The following SVEP1 variants were observed in gnomAD, a reference collection of about 807,000 sequenced individuals.
SVEP1 encodes sushi, von Willebrand factor type A, EGF and pentraxin domain containing 1.
Under a neutral mutation model 367.3 loss-of-function variants are expected in SVEP1, and 164 were observed. The observed-to-expected ratio is 0.45, with a 90% CI of 0.39 to 0.51. SVEP1 has a LOEUF of 0.51. Among genes scored for constraint, SVEP1 ranks in the 20% least tolerant of loss-of-function variants. SVEP1 has a pLI of 0.00. For synonymous variants in SVEP1, 1,666 were observed against 1,611.6 expected (o/e 1.03, Z -0.81); for missense variants, 4,117 against 4,425.3 (o/e 0.93, Z 1.98).
At position 110,579,433 on chromosome 9, in the gene SVEP1, C is replaced by T; in HGVS notation, c.111G>A (p.Glu37=). ...SRNFSFRLFP[E]TAPGAPGSIP... ...TACTCCCGGGGGCCCCGGGCGCGGT[C>T]TCGGGGAAGAGGCGGAAGCTGAAAT... Residue 37 remains glutamate, a synonymous_variant, in exon 1 of 48, where the codon GAG becomes GAA. Transcript: ENST00000374469. This position sits in a 1 kb window ranked among gnomAD's most constrained non-coding sequence, Gnocchi z 5.3. The T allele has an allele frequency of 6.3e-7, 1 of 1,590,988 alleles. No homozygotes were observed.
chr9:110,481,524 A>C, intron 11 of SVEP1, 88 bp from the exon 12 acceptor site: 1 of 942,132 alleles, frequency 1.1e-6, no homozygotes, highest in South Asian at 3.0e-5. Context: ...TTTGAAAAGG[A>C]CTCCTCCTGT....
intron 40 of SVEP1, among the ~76,000 whole-genome samples, chr9:110,393,224 C>T (rs1827694924): frequency 6.6e-6 from 1 of 152,036 alleles, no homozygotes; most frequent in Non-Finnish European, 1.5e-5. Flanking sequence ...AACGAGGTTT[C>T]AAAAACAGGA....
intron 17 of SVEP1, 46 bp from the exon 18 acceptor site, chr9:110,466,072 G>C (rs1186418197): frequency 6.4e-7 from 1 of 1,574,590 alleles, no homozygotes; most frequent in Non-Finnish European, 8.7e-7. Flanking sequence ...ATATTAAGCT[G>C]CATAAAATTA....
Position 110,412,853 on chromosome 9 carries a change from G to A in SVEP1, c.5976-1118C>T, listed in dbSNP as rs865938039. On this transcript the variant is annotated intron_variant, in intron 36 of 47. Transcript: ENST00000374469. ...AAACCACAATGAGATACCATCTCAC[G>A]GCAGTTAGAATGGCAATCATTAAAA... Among the ~76,000 whole-genome samples the A allele has an allele frequency of 1.6e-3, 239 of 151,962 alleles. 1 individual carries two copies. Among genetic ancestry groups the A allele is most frequent in the African/African-American group, 3.1e-3 (130 of 41,402 alleles).
Position 110,503,195 on chromosome 9 carries a change from G to A in SVEP1, c.1326C>T (p.Arg442=). Residue 442 remains arginine, a synonymous_variant, in exon 6 of 48, where the codon CGC becomes CGT. Transcript: ENST00000374469. ...YCRVRTCPHL[R]QPKHGHISCS... is the part of the protein sequence containing the mutation. ...AGCTGATGTGGCCATGTTTCGGCTG[G>A]CGGAGATGAGGACATGTTCTTACTA... The A allele has an allele frequency of 6.2e-7, 1 of 1,613,398 alleles. No individual in the cohort carries two copies. Among genetic ancestry groups the A allele is most frequent in the African/African-American group, 1.3e-5 (1 of 75,020 alleles).
At chr9:110,526,936 T>C (rs1430365386) in intron 3 of SVEP1, among the ~76,000 whole-genome samples, 3 of 152,144 alleles carry the variant, frequency 2.0e-5, no homozygotes, top group Non-Finnish European at 4.4e-5. Flanking sequence ...ATATGTCACA[T>C]TCTGCATGGC....
intron 40 of SVEP1, among the ~76,000 whole-genome samples, chr9:110,397,155 G>T (rs1175280364): frequency 6.6e-6 from 1 of 151,346 alleles, no homozygotes; most frequent in African/African-American, 2.4e-5. Flanking sequence ...ATGATCAAGT[G>T]GGCTTCATCC....
rs1829154057 is a variant in SVEP1 at position 110,479,637 on chromosome 9, T to C, written c.2485A>G (p.Met829Val). 3 of 1,601,976 alleles carry C rather than the reference T, an allele frequency of 1.9e-6. No homozygotes were observed. The highest frequency in any genetic ancestry group is 2.6e-6 in the Non-Finnish European group (3 of 1,176,032). Residue 829 changes from methionine (M) to valine (V), a missense_variant and splice_region_variant, in exon 13 of 48, where the codon ATG (methionine) becomes GTG (valine). By Grantham distance (21) the Met-to-Val change is conservative. Transcript: ENST00000374469. ...SEAFETTLGK[M>V]VPSFCSDAED... The stretch of plus-strand genomic sequence containing the variant: ...ATAAATGACCACTATTGATGTACCA[T>C]TTTTCCCAGGGTCGTCTCAAATGCT...
At chr9:110,552,471 TTATTTC>T (rs1830302428) in intron 1 of SVEP1, among the ~76,000 whole-genome samples, 2 of 152,090 alleles carry the variant, frequency 1.3e-5, no homozygotes, top group Non-Finnish European at 2.9e-5. Context: ...ATTGTGCACT[TTATTTC>T]TATTATTTTT....
intron 1 of SVEP1, among the ~76,000 whole-genome samples, chr9:110,551,775 CCT>C (rs1830289765): frequency 6.6e-6 from 1 of 152,188 alleles, no homozygotes; most frequent in Admixed American, 6.5e-5. Flanking sequence ...GAAGAAAAAA[CCT>C]CTGAGGAGAG....
intron 6 of SVEP1, among the ~76,000 whole-genome samples, chr9:110,501,789 G>A (rs117750353): frequency 6.6e-6 from 1 of 151,528 alleles, no homozygotes; most frequent in Admixed American, 6.6e-5. Flanking sequence ...CTTCTACTAA[G>A]CAACCATACA....
intron 9 of SVEP1, among the ~76,000 whole-genome samples, chr9:110,489,008 A>T (rs1367563369): frequency 2.0e-5 from 3 of 152,238 alleles, no homozygotes; most frequent in African/African-American, 7.2e-5. Context: ...AGGGGATAGA[A>T]GCCAGATTTG....
At chr9:110,443,472 C>A in intron 27 of SVEP1, 73 bp downstream of exon 27, 1 of 1,252,916 alleles carries the variant, frequency 8.0e-7, no homozygotes, top group East Asian at 2.9e-5. Flanking sequence ...ACAATGCTAG[C>A]AAACCTGATG....
intron 40 of SVEP1, among the ~76,000 whole-genome samples, chr9:110,398,021 G>T (rs1215356201): frequency 8.3e-6 from 1 of 120,492 alleles, no homozygotes; most frequent in South Asian, 2.6e-4. Context: ...CCAAAAAAGA[G>T]CTGCGTCACC....
At chr9:110,444,068 A>G (rs1445637858) in intron 26 of SVEP1, among the ~76,000 whole-genome samples, 1 of 152,224 alleles carries the variant, frequency 6.6e-6, no homozygotes, top group Admixed American at 6.5e-5. Flanking sequence ...AGAATTGTGT[A>G]AATGTCAAAC....
chr9:110,579,253 G>A lies in SVEP1; in HGVS notation c.291C>T (p.Val97=), dbSNP rs981063567. 23 of 1,570,966 alleles carry A rather than the reference G, an allele frequency of 1.5e-5. No individual in the cohort carries two copies. In the African/African-American group the frequency reaches 3.1e-4, roughly 21 times the overall value. The change falls in exon 1 of 48, where the codon GTC becomes GTT. Residue 97 remains valine (V), a synonymous_variant. Coordinates refer to ENST00000374469, the MANE Select transcript of SVEP1 (RefSeq NM_153366.4). The surrounding 1 kb of genome is among the most constrained non-coding windows in gnomAD (Gnocchi z 5.3). ...CGAACATGAGCTCGCTGCGGAAGTT[G>A]ACTTCGCCCACGCTGGACGAATCAT... ...LVDDSSSVGE[V]NFRSELMFVR...
chr9:110,423,357 G>A (rs1473234919), intron 36 of SVEP1, among the ~76,000 whole-genome samples: 1 of 152,008 alleles, frequency 6.6e-6, no homozygotes. Context: ...CAAATGGAAG[G>A]AGTGTGATGC....
At chr9:110,461,332 T>A (rs1195218719) in intron 18 of SVEP1, among the ~76,000 whole-genome samples, 1 of 152,152 alleles carries the variant, frequency 6.6e-6, no homozygotes, top group Non-Finnish European at 1.5e-5. Context: ...TAAACTGGCA[T>A]CATCTGGATA....
Position 110,407,173 on chromosome 9 carries a change from G to T in SVEP1, c.8427C>A (p.Gly2809=), listed in dbSNP as rs773946758. The T allele has an allele frequency of 6.2e-7, 1 of 1,613,966 alleles. No homozygotes were observed. The highest frequency in any genetic ancestry group is 8.5e-7 in the Non-Finnish European group (1 of 1,179,882). Residue 2809 remains glycine (G), a synonymous_variant, in exon 38 of 48, where the codon GGC becomes GGA. Coordinates refer to ENST00000374469, the MANE Select transcript of SVEP1 (RefSeq NM_153366.4). ...YECDPGYVLN[G]TERRTCQDDK... ...CATCCTGGCATGTTCTCCTCTCAGT[G>T]CCATTCAGCACATATCCGGGGTCAC...
Sources: gnomAD v4.1 joint callset for allele counts (sites outside exome capture counted in the v4.1 genomes callset) on GRCh38, gnomAD v4.1.1 for gene constraint, Gnocchi (gnomAD v3.1) non-coding constraint, MANE v1.5 for transcripts, NCBI Gene and HGNC (gene_info 2026-07-23, HGNC 2026-07-21) for gene names.